ELK3: variants seen among roughly 807,000 people sequenced by gnomAD.
The protein encoded by ELK3 is ETS domain-containing protein Elk-3.
A neutral mutation model predicts 28.9 loss-of-function variants in ELK3; 10 were observed. That is an observed-to-expected ratio of 0.35 (90% CI 0.21 to 0.59). The LOEUF (loss-of-function observed/expected upper bound fraction) is 0.59. Ranked by LOEUF, ELK3 falls within the 20% of genes least tolerant of loss-of-function variation. The probability of loss-of-function intolerance (pLI) is 0.82; values close to 1 mark genes in which losing one functional copy is unlikely to be tolerated. For synonymous variants in ELK3, 272 were observed against 243.5 expected, an observed-to-expected ratio of 1.12 and a Z score of -1.09; for missense variants, 463 against 517.3, an observed-to-expected ratio of 0.90 and a Z score of 1.02.
At chr12:96,239,802 C>T (rs780759866) in intron 2 of ELK3, among the ~76,000 whole-genome samples, 1 of 152,238 alleles carries the variant, frequency 6.6e-6, no homozygotes, top group Non-Finnish European at 1.5e-5. Context: ...TGCTCTTCTC[C>T]CTCCCAGTCT....
intron 4 of ELK3, among the ~76,000 whole-genome samples, chr12:96,260,563 C>A (rs1170344523): frequency 6.7e-6 from 1 of 150,180 alleles, no homozygotes; most frequent in African/African-American, 2.4e-5. Context: ...ACTAGGCGAG[C>A]ACCTTCATTA....
At chr12:96,252,858 A>T (rs147281953) in intron 3 of ELK3, among the ~76,000 whole-genome samples, 1 of 152,390 alleles carries the variant, frequency 6.6e-6, no homozygotes, top group Non-Finnish European at 1.5e-5. Flanking sequence ...TAGTTGATAA[A>T]GCAGCGGCAG....
chr12:96,249,715 T>TGTCTCAGAGGAAGTCAGCTCA (rs1951889013), intron 3 of ELK3, among the ~76,000 whole-genome samples: 1 of 146,622 alleles, frequency 6.8e-6, no homozygotes, highest in Admixed American at 6.8e-5. Context: ...GTGAGGCAGA[T>TGTCTCAGAGGAAGTCAGCTCA]GCCAGCCCTG....
In ELK3 at chr12:96,267,442, CTG is replaced by C. The variant is rs1952043983; in HGVS notation, c.*264_*265del. 6.4e-6 allele frequency: 2 copies of C among 311,372 alleles called. No homozygotes were observed. Among genetic ancestry groups the C allele is most frequent in the African/African-American group, 2.2e-5 (1 of 46,328 alleles). The allele number at this position is 311,372 out of a possible 1,614,324, so 19.3% of individuals were successfully genotyped here. A position where few individuals can be genotyped will look rare whatever the true frequency, so the allele number is the denominator to read the frequency against. Reference sequence around the variant, plus strand: ...CCTTTTAGCTCTTAAGTGTTGAACACTGTTGACAGTGAAGAACTTTTCTTAAT... The same window carrying C: ...CCTTTTAGCTCTTAAGTGTTGAACACTTGACAGTGAAGAACTTTTCTTAAT... On this transcript the variant is annotated 3_prime_UTR_variant, in exon 5 of 5. Coordinates refer to ENST00000228741, the MANE Select transcript of ELK3 (RefSeq NM_005230.4).
chr12:96,216,527 C>G (rs954847463), intron 1 of ELK3, among the ~76,000 whole-genome samples: 1 of 152,204 alleles, frequency 6.6e-6, no homozygotes, highest in Admixed American at 6.5e-5. Flanking sequence ...CCCTGGATTT[C>G]AGTGCCTGTG....
chr12:96,217,279 A>G lies in ELK3; in HGVS notation c.-2-6286A>G, dbSNP rs191922771. 3.9e-4 allele frequency among the ~76,000 whole-genome samples: 60 copies of G among 152,264 alleles called. 1 individual carries two copies. Among genetic ancestry groups the G allele is most frequent in the Non-Finnish European group, 1.2e-4 (8 of 68,016 alleles). On this transcript the variant is annotated intron_variant, in intron 1 of 4. Transcript: ENST00000228741. Reference sequence around the variant, plus strand: ...GAAAAGAATTATGCTTCAGTGAAAAACTGCATTCTTGACTCTAGAGAAGAC... The same window carrying G: ...GAAAAGAATTATGCTTCAGTGAAAAGCTGCATTCTTGACTCTAGAGAAGAC...
chr12:96,236,374 G>A (rs1951783671), intron 2 of ELK3, among the ~76,000 whole-genome samples: 1 of 152,192 alleles, frequency 6.6e-6, no homozygotes, highest in Admixed American at 6.5e-5. Context: ...TCAGGCAGCA[G>A]GGATGAAGAG....
intron 1 of ELK3, among the ~76,000 whole-genome samples, chr12:96,204,042 G>A (rs934681377): frequency 6.6e-6 from 1 of 152,202 alleles, no homozygotes; most frequent in African/African-American, 2.4e-5. Context: ...AATGAGGTTA[G>A]TTTGCTAGTA....
In ELK3 at chr12:96,247,029, G is replaced by C. The variant is rs560926679; in HGVS notation, c.297G>C (p.Glu99Asp). Reference protein sequence around the residue: ...EILKMDPHAVEISRESLLLQD... With the variant: ...EILKMDPHAVDISRESLLLQD... ...TGAAGATGGATCCTCACGCGGTGGA[G>C]ATCAGCCGGGAGAGCCTTCTGCTGC... Residue 99 changes from glutamate (E) to aspartate (D), a missense_variant, in exon 3 of 5, where the codon GAG becomes GAC. Physicochemically the swap from Glu to Asp is conservative, Grantham distance 45. This residue lies in a region of ELK3 where 408 missense variants were observed against 414.8 expected (regional missense o/e 0.98). Coordinates refer to ENST00000228741, the MANE Select transcript of ELK3 (RefSeq NM_005230.4). The surrounding 1 kb of genome is among the most constrained non-coding windows in gnomAD (Gnocchi z 5.5). 6.2e-7 allele frequency: 1 copy of C among 1,614,214 alleles called. No individual in the cohort carries two copies. Among genetic ancestry groups the C allele is most frequent in the Admixed American group, 1.7e-5 (1 of 60,034 alleles).
chr12:96,211,471 G>C (rs1473704101), intron 1 of ELK3, among the ~76,000 whole-genome samples: 2 of 44,320 alleles, frequency 4.5e-5, no homozygotes, highest in African/African-American at 2.0e-4. Flanking sequence ...ACTGCCCTGG[G>C]GATGTCATTG....
At position 96,247,414 on chromosome 12, in the gene ELK3, C is replaced by T; in HGVS notation, c.682C>T (p.Pro228Ser). The T allele has an allele frequency of 3.1e-6, 5 of 1,614,138 alleles. No homozygotes were observed. Among genetic ancestry groups the T allele is most frequent in the Non-Finnish European group, 4.2e-6 (5 of 1,180,046 alleles). The part of the protein sequence containing the change: ...VSAKISSLML[P>S]NAASISSASP... ...GGCCAAGATCTCCTCTTTAATGTTG[C>T]CAAACGCTGCCAGTATTTCATCCGC... The change falls in exon 3 of 5, where the codon CCA becomes TCA. Residue 228 changes from proline (P) to serine (S), a missense_variant. Pro to Ser is a moderately conservative substitution (Grantham distance 74). Transcript: ENST00000228741. The surrounding 1 kb of genome is among the most constrained non-coding windows in gnomAD (Gnocchi z 5.5).
intron 1 of ELK3, among the ~76,000 whole-genome samples, chr12:96,216,650 C>T (rs1398514827): frequency 6.6e-6 from 1 of 152,114 alleles, no homozygotes; most frequent in Non-Finnish European, 1.5e-5. Context: ...AGGAGGATTC[C>T]CTGTAGCTTA....
Position 96,267,236 on chromosome 12 carries a change from G to T in ELK3, c.*56G>T. 6.7e-7 allele frequency: 1 copy of T among 1,494,338 alleles called. No homozygotes were observed. The highest frequency in any genetic ancestry group is 1.2e-5 in the South Asian group (1 of 82,158). The allele number at this position is 1,494,338 out of a possible 1,614,324, so 92.6% of individuals were successfully genotyped here. A position where few individuals can be genotyped will look rare whatever the true frequency, so the allele number is the denominator to read the frequency against. ...ACTGATGAAACAAATTTGTCCCCAC[G>T]GGCTAGTTTACCTGTGTCGTGAGAA... On this transcript the variant is annotated 3_prime_UTR_variant, in exon 5 of 5. Coordinates refer to ENST00000228741, the MANE Select transcript of ELK3 (RefSeq NM_005230.4).
At chr12:96,207,053 G>T (rs1341897098) in intron 1 of ELK3, among the ~76,000 whole-genome samples, 2 of 152,062 alleles carry the variant, frequency 1.3e-5, no homozygotes, top group Non-Finnish European at 2.9e-5. Flanking sequence ...TGCAAGTTTT[G>T]GAAATAACAG....
intron 4 of ELK3, among the ~76,000 whole-genome samples, 195 bp downstream of exon 4, chr12:96,260,048 GCCA>G (rs1951981826): frequency 6.6e-6 from 1 of 152,008 alleles, no homozygotes; most frequent in African/African-American, 2.4e-5. Flanking sequence ...GCAGACTCAT[GCCA>G]GACACCCATA....
At chr12:96,238,231 C>T (rs530947950) in intron 2 of ELK3, among the ~76,000 whole-genome samples, 2 of 152,302 alleles carry the variant, frequency 1.3e-5, no homozygotes, top group East Asian at 1.9e-4. Context: ...GGGTGAGGGT[C>T]ATGTTGTAAG....
chr12:96,205,980 C>G (rs1329020607), intron 1 of ELK3, among the ~76,000 whole-genome samples: 1 of 152,138 alleles, frequency 6.6e-6, no homozygotes, highest in Non-Finnish European at 1.5e-5. Flanking sequence ...ACTTTAATGA[C>G]AAAACTATAT....
chr12:96,258,338 G>C (rs1278475463), intron 3 of ELK3, among the ~76,000 whole-genome samples: 1 of 152,202 alleles, frequency 6.6e-6, no homozygotes, highest in Non-Finnish European at 1.5e-5. Flanking sequence ...TGGAACCAAC[G>C]ACTCAAATAA....
chr12:96,222,240 C>T (rs1192551930), intron 1 of ELK3, among the ~76,000 whole-genome samples: 1 of 152,054 alleles, frequency 6.6e-6, no homozygotes, highest in East Asian at 1.9e-4. Flanking sequence ...AGAAACTGCC[C>T]AGGAGTGGGG....
Sources: gnomAD v4.1 joint callset for allele counts (sites outside exome capture counted in the v4.1 genomes callset) on GRCh38, gnomAD v4.1.1 for gene constraint, gnomAD v4.1.1 regional missense constraint, Gnocchi (gnomAD v3.1) non-coding constraint, MANE v1.5 for transcripts, NCBI Gene and HGNC (gene_info 2026-07-23, HGNC 2026-07-21) for gene names.